Variants in SIPA1L1 observed in about 807,000 individuals in gnomAD.
SIPA1L1 encodes signal-induced proliferation-associated 1-like protein 1.
Under a neutral mutation model 162.7 loss-of-function variants are expected in SIPA1L1, and 26 were observed. The ratio of observed to expected loss-of-function variants is 0.16; its 90% CI spans 0.12 to 0.22. The LOEUF (loss-of-function observed/expected upper bound fraction) is 0.22. Among genes scored for constraint, SIPA1L1 ranks in the 10% least tolerant of loss-of-function variants. The pLI is 1.00. For missense variants in SIPA1L1, 1,874 were observed against 2,241.0 expected (o/e 0.84, Z 3.31); for synonymous variants, 829 against 837.4 (o/e 0.99, Z 0.17).
At chr14:71,601,448 G>A (rs2036737836) in intron 5 of SIPA1L1, among the ~76,000 whole-genome samples, 1 of 152,064 alleles carries the variant, frequency 6.6e-6, no homozygotes, top group African/African-American at 2.4e-5. Context: ...ATCCCACTTG[G>A]TTATGGTGTA....
chr14:71,691,049 T>C (rs2081218265), intron 13 of SIPA1L1, among the ~76,000 whole-genome samples: 1 of 152,248 alleles, frequency 6.6e-6, no homozygotes. Flanking sequence ...GGATTCGTTA[T>C]CAACTTCCCC....
chr14:71,435,508 T>C (rs2044307887), intron 2 of SIPA1L1, among the ~76,000 whole-genome samples: 1 of 152,220 alleles, frequency 6.6e-6, no homozygotes. Context: ...CATGAACTCA[T>C]CCTTTTTTAT....
chr14:71,642,191 G>A (rs1337085073), intron 7 of SIPA1L1, among the ~76,000 whole-genome samples: 1 of 152,182 alleles, frequency 6.6e-6, no homozygotes, highest in Non-Finnish European at 1.5e-5. Context: ...GATTGCTTGG[G>A]AGATGGGAAA....
At chr14:71,355,733 T>C (rs1266395593) in intron 2 of SIPA1L1, among the ~76,000 whole-genome samples, 3 of 152,210 alleles carry the variant, frequency 2.0e-5, no homozygotes, top group Non-Finnish European at 4.4e-5. Context: ...TAAGGGAAGG[T>C]TCGAAGTGTT....
At chr14:71,673,093 C>T (rs180743768) in intron 12 of SIPA1L1, among the ~76,000 whole-genome samples, 2 of 152,314 alleles carry the variant, frequency 1.3e-5, no homozygotes, top group East Asian at 3.9e-4. Flanking sequence ...CAGCTGCTTT[C>T]CTAACTGTAT....
intron 2 of SIPA1L1, among the ~76,000 whole-genome samples, chr14:71,336,071 T>C (rs2035060397): frequency 1.3e-5 from 2 of 152,226 alleles, no homozygotes; most frequent in African/African-American, 4.8e-5. Flanking sequence ...AAAGTATCTT[T>C]TAGGCTTTCC....
chr14:71,596,800 CT>C (rs1437686894), intron 5 of SIPA1L1, among the ~76,000 whole-genome samples: 1 of 152,164 alleles, frequency 6.6e-6, no homozygotes, highest in Non-Finnish European at 1.5e-5. Flanking sequence ...TGGTGAACCC[CT>C]GGACTTATCT....
chr14:71,702,477 A>C lies in SIPA1L1; in HGVS notation c.3618A>C (p.Arg1206Ser). Residue 1206 changes from arginine to serine, a missense_variant, in exon 15 of 24, where the codon AGA becomes AGC. Arg to Ser is a moderately radical substitution (Grantham distance 110, BLOSUM62 -1). Coordinates refer to ENST00000381232, the MANE Select transcript of SIPA1L1 (RefSeq NM_001386936.1). ...GSGKSTPSWQRSEDSIADQME... is the reference protein window; with the variant it reads ...GSGKSTPSWQSSEDSIADQME... ...GAAAATCCACGCCTAGCTGGCAAAG[A>C]AGTGAGGATAGCATTGCTGACCAGA... 1.2e-6 allele frequency: 2 copies of C among 1,614,226 alleles called. No homozygotes were observed. The highest frequency in any genetic ancestry group is 1.7e-6 in the Non-Finnish European group (2 of 1,180,020).
chr14:71,392,197 G>A (rs987899589), intron 2 of SIPA1L1, among the ~76,000 whole-genome samples: 1 of 152,180 alleles, frequency 6.6e-6, no homozygotes, highest in African/African-American at 2.4e-5. Context: ...GGTGCAGGCA[G>A]ATGCTTCAGG....
At chr14:71,659,391 A>C (rs568745803) in intron 9 of SIPA1L1, among the ~76,000 whole-genome samples, 1 of 152,218 alleles carries the variant, frequency 6.6e-6, no homozygotes, top group Non-Finnish European at 1.5e-5. Context: ...CTAGGTAACA[A>C]AGTTTTGCCT....
intron 4 of SIPA1L1, among the ~76,000 whole-genome samples, chr14:71,533,376 T>G (rs1228861558): frequency 2.6e-5 from 4 of 152,226 alleles, no homozygotes; most frequent in Non-Finnish European, 5.9e-5. Flanking sequence ...ATTAGGAGTC[T>G]TTACCAGCAC....
chr14:71,445,154 T>C (rs2045245178), intron 2 of SIPA1L1, among the ~76,000 whole-genome samples: 1 of 152,254 alleles, frequency 6.6e-6, no homozygotes, highest in African/African-American at 2.4e-5. Context: ...TTTCTACTTA[T>C]CCTGGCGTAA....
intron 12 of SIPA1L1, among the ~76,000 whole-genome samples, chr14:71,675,521 A>C (rs1686615963): frequency 6.6e-6 from 1 of 152,242 alleles, no homozygotes. Context: ...CTTTCTTTAG[A>C]GATAACTTCA....
intron 2 of SIPA1L1, among the ~76,000 whole-genome samples, chr14:71,437,528 C>T (rs1346235817): frequency 6.6e-6 from 1 of 152,106 alleles, no homozygotes; most frequent in Non-Finnish European, 1.5e-5. Flanking sequence ...TTTCACTTCA[C>T]TTAGCAAATT....
At chr14:71,677,081 C>G (rs893767477) in intron 12 of SIPA1L1, among the ~76,000 whole-genome samples, 12 of 152,178 alleles carry the variant, frequency 7.9e-5, no homozygotes, top group South Asian at 2.1e-4. Flanking sequence ...CTAGTTTACA[C>G]TCCCACCAAC....
At chr14:71,683,337 G>A (rs1011070088) in intron 12 of SIPA1L1, among the ~76,000 whole-genome samples, 3 of 152,194 alleles carry the variant, frequency 2.0e-5, no homozygotes, top group Non-Finnish European at 2.9e-5. Context: ...ACAGAAAGGG[G>A]CATAGATGGT....
chr14:71,391,132 A>G (rs1220871812), intron 2 of SIPA1L1, among the ~76,000 whole-genome samples: 2 of 130,582 alleles, frequency 1.5e-5, no homozygotes, highest in African/African-American at 5.6e-5. Flanking sequence ...TTTGAGACAG[A>G]CTCTTGCTCT....
intron 4 of SIPA1L1, among the ~76,000 whole-genome samples, chr14:71,550,735 T>G (rs1477680575): frequency 6.6e-6 from 1 of 152,112 alleles, no homozygotes; most frequent in East Asian, 1.9e-4. Flanking sequence ...TTTCTGATAT[T>G]TCCACCTTTA....
Position 71,334,039 on chromosome 14 carries a change from T to C in SIPA1L1, c.-465+12858T>C, listed in dbSNP as rs187011734. Among the ~76,000 whole-genome samples, 7 of 152,248 alleles carry C rather than the reference T, an allele frequency of 4.6e-5. 1 individual carries two copies. Among genetic ancestry groups the C allele is most frequent in the African/African-American group, 9.6e-5 (4 of 41,550 alleles). ...AGCAGCTGGAATAATGGGGATGCCA[T>C]TTATTGAAATGGAGATGCCTAGAGG... On this transcript the variant is annotated intron_variant, in intron 2 of 23. Coordinates refer to ENST00000381232, the MANE Select transcript of SIPA1L1 (RefSeq NM_001386936.1).
Sources: gnomAD v4.1 joint callset for allele counts (sites outside exome capture counted in the v4.1 genomes callset) on GRCh38, gnomAD v4.1.1 for gene constraint, MANE v1.5 for transcripts, NCBI Gene and HGNC (gene_info 2026-07-23, HGNC 2026-07-21) for gene names.